ITSN1: variants seen among roughly 807,000 people sequenced by gnomAD.
The protein encoded by ITSN1 is intersectin-1.
In ITSN1, 58 loss-of-function variants were observed where a neutral mutation model predicts 239.8. The ratio of observed to expected loss-of-function variants is 0.24; its 90% CI spans 0.20 to 0.30. The LOEUF is 0.30. Ranked by LOEUF, ITSN1 falls within the 10% of genes least tolerant of loss-of-function variation. The pLI is 1.00. For synonymous variants in ITSN1, 780 were observed against 770.8 expected (o/e 1.01, Z -0.20); for missense variants, 1,558 against 2,103.3 (o/e 0.74, Z 5.07).
chr21:33,834,510 T>G (rs1056879819), intron 28 of ITSN1, 86 bp downstream of exon 28: 6 of 974,376 alleles, frequency 6.2e-6, no homozygotes, highest in Admixed American at 4.1e-5. Context: ...ATATCTTAGG[T>G]TGTTTTTCAC....
chr21:33,694,925 C>G (rs11911194), intron 1 of ITSN1, among the ~76,000 whole-genome samples: 1,820 of 152,320 alleles, frequency 0.012, 40 homozygotes, highest in African/African-American at 0.041. Flanking sequence ...ATCAATCCTG[C>G]CTGAGCAGTT....
At chr21:33,754,324 A>G (rs904594132) in intron 7 of ITSN1, 20 of 152,232 alleles carry the variant, frequency 1.3e-4, no homozygotes, top group African/African-American at 4.1e-4. Context: ...TGAACTGTAT[A>G]TAATAGATAT....
At position 33,899,824 on chromosome 21, in the gene ITSN1, A is replaced by C. The variant is rs1409010009; in HGVS notation, c.*11524A>C. 1.3e-5 allele frequency: 2 copies of C among 152,246 alleles called. No homozygotes were observed. The highest frequency in any genetic ancestry group is 4.8e-5 in the African/African-American group (2 of 41,464). 9.4% of individuals were successfully genotyped at this position (152,246 alleles called of 1,614,324 possible). A position where few individuals can be genotyped will look rare whatever the true frequency, so the allele number is the denominator to read the frequency against. ...TTGGTCATTTTGACCTGTGTGGTTT[A>C]AATTCAAATAGTTCATGAATAAAAG... On this transcript the variant is annotated 3_prime_UTR_variant, in exon 40 of 40. Coordinates refer to ENST00000381318, the MANE Select transcript of ITSN1 (RefSeq NM_003024.3).
intron 31 of ITSN1, among the ~76,000 whole-genome samples, chr21:33,864,636 A>G (rs917743484): frequency 4.6e-5 from 7 of 152,240 alleles, no homozygotes; most frequent in Non-Finnish European, 8.8e-5. Context: ...TCACAGAGAT[A>G]CTTCAAACAG....
chr21:33,819,992 A>T (rs2073563595), intron 24 of ITSN1, among the ~76,000 whole-genome samples: 1 of 152,140 alleles, frequency 6.6e-6, no homozygotes, highest in Admixed American at 6.5e-5. Flanking sequence ...CCGTCTCAAA[A>T]AAATAAAATA....
At chr21:33,886,506 C>T (rs756415619) in intron 39 of ITSN1, 46 bp downstream of exon 39, 52 of 1,470,654 alleles carry the variant, frequency 3.5e-5, no homozygotes, top group African/African-American at 5.7e-5. Flanking sequence ...CCCTGGCACT[C>T]GTTTGCGTGG....
At chr21:33,764,633 G>A (rs887670828) in intron 9 of ITSN1, among the ~76,000 whole-genome samples, 21 of 152,126 alleles carry the variant, frequency 1.4e-4, no homozygotes, top group African/African-American at 5.1e-4. Context: ...ACTCTAGAAG[G>A]TGTGCATTCT....
Position 33,772,125 on chromosome 21 carries a change from G to T in ITSN1, c.1107G>T (p.Arg369Ser). ...GCAACCTGGAACTGGAGAAACGAAG[G>T]CAAGCTCTCCTGGAACAGCAGCGCA... ...ERGNLELEKR[R>S]QALLEQQRKE... The change falls in exon 12 of 40, where the codon AGG becomes AGT. Residue 369 changes from arginine (R) to serine (S), a missense_variant. This residue lies in a region of ITSN1 where 982 missense variants were observed against 1,209.9 expected (regional missense o/e 0.81). Coordinates refer to ENST00000381318, the MANE Select transcript of ITSN1 (RefSeq NM_003024.3). 6.2e-7 allele frequency: 1 copy of T among 1,614,220 alleles called. No individual in the cohort carries two copies. The highest frequency in any genetic ancestry group is 1.3e-5 in the African/African-American group (1 of 75,042).
chr21:33,696,331 A>T (rs2091791579), intron 1 of ITSN1, among the ~76,000 whole-genome samples: 1 of 152,188 alleles, frequency 6.6e-6, no homozygotes, highest in Non-Finnish European at 1.5e-5. Context: ...GCAAATACTT[A>T]ACAGTCCTTA....
intron 33 of ITSN1, among the ~76,000 whole-genome samples, chr21:33,868,736 G>A (rs904391282): frequency 6.6e-6 from 1 of 152,110 alleles, no homozygotes; most frequent in Admixed American, 6.5e-5. Context: ...AGGGGGCTTC[G>A]GCCTTGGCCA....
In ITSN1 at chr21:33,823,697, T is replaced by G. The variant is rs759160245; in HGVS notation, c.3183+44T>G. On this transcript the variant is annotated intron_variant, in intron 25 of 39. Transcript: ENST00000381318. ...TTTCCTCTCCCTTTCTGTGCGGTGA[T>G]TCTCTTTGTGGGGAGTCACGATGTT... 8 of 1,563,104 alleles carry G rather than the reference T, an allele frequency of 5.1e-6. No individual in the cohort carries two copies. In the South Asian group the frequency reaches 9.4e-5, roughly 18 times the overall value.
intron 29 of ITSN1, among the ~76,000 whole-genome samples, chr21:33,853,263 G>C (rs1978671683): frequency 6.6e-6 from 1 of 152,204 alleles, no homozygotes; most frequent in Non-Finnish European, 1.5e-5. Context: ...GAATTTGGTG[G>C]GGGCAAGCAG....
At chr21:33,713,299 G>T (rs1214879032) in intron 1 of ITSN1, among the ~76,000 whole-genome samples, 1 of 152,016 alleles carries the variant, frequency 6.6e-6, no homozygotes, top group East Asian at 1.9e-4. Context: ...GAGTGCGGTG[G>T]CACGATCTAG....
In ITSN1 at chr21:33,872,692, C is replaced by T. The variant is rs1023231819; in HGVS notation, c.4174-2662C>T. On this transcript the variant is annotated intron_variant, in intron 33 of 39. Coordinates refer to ENST00000381318, the MANE Select transcript of ITSN1 (RefSeq NM_003024.3). The stretch of plus-strand genomic sequence containing the variant: ...AACCACAGGCAGGTACAATCACGCC[C>T]GGCTAATTTTTGTGTTTTTAGTGGA... 4.6e-5 allele frequency among the ~76,000 whole-genome samples: 7 copies of T among 152,042 alleles called. No homozygotes were observed. The East Asian group carries it at 5.8e-4, about 13-fold the overall frequency.
chr21:33,644,360 G>A (rs1447010192), intron 1 of ITSN1, among the ~76,000 whole-genome samples: 1 of 152,150 alleles, frequency 6.6e-6, no homozygotes, highest in Non-Finnish European at 1.5e-5. Flanking sequence ...TTTGATGATG[G>A]TGTTAAAATT....
intron 4 of ITSN1, among the ~76,000 whole-genome samples, chr21:33,727,983 T>A (rs1198756066): frequency 1.3e-5 from 2 of 151,812 alleles, no homozygotes; most frequent in Non-Finnish European, 2.9e-5. Flanking sequence ...TTTTTTTTTT[T>A]TTGAGACAAA....
intron 29 of ITSN1, among the ~76,000 whole-genome samples, chr21:33,852,155 G>A (rs1978441684): frequency 6.6e-6 from 1 of 152,106 alleles, no homozygotes; most frequent in African/African-American, 2.4e-5. Context: ...GTTTCCCTGA[G>A]GACAAGGACA....
chr21:33,654,678 A>T (rs773052854), intron 1 of ITSN1, among the ~76,000 whole-genome samples: 1 of 152,210 alleles, frequency 6.6e-6, no homozygotes. Context: ...ACTAGGCTCA[A>T]TAGAGAAGGA....
intron 26 of ITSN1, chr21:33,828,912 A>G (rs974860617): frequency 1.3e-5 from 6 of 470,058 alleles, no homozygotes; most frequent in African/African-American, 1.2e-4. Flanking sequence ...AGAACTGTTC[A>G]CATTTTTTTC....
Sources: gnomAD v4.1 joint callset for allele counts (sites outside exome capture counted in the v4.1 genomes callset) on GRCh38, gnomAD v4.1.1 for gene constraint, gnomAD v4.1.1 regional missense constraint, MANE v1.5 for transcripts, NCBI Gene and HGNC (gene_info 2026-07-23, HGNC 2026-07-21) for gene names.